CDKL2: variants seen among roughly 807,000 people sequenced by gnomAD.
CDKL2 encodes cyclin dependent kinase like 2.
Under a neutral mutation model 63.9 loss-of-function variants are expected in CDKL2, and 64 were observed. That is an observed-to-expected ratio of 1.00 (90% confidence interval 0.82 to 1.23). CDKL2 has a LOEUF of 1.23. Ranked by LOEUF, CDKL2 falls within the 50% of genes most tolerant of loss-of-function variation. The pLI, the probability that CDKL2 is intolerant of heterozygous loss-of-function variation, is 0.00. For synonymous variants in CDKL2, 211 were observed against 229.2 expected (o/e 0.92, Z 0.72); for missense variants, 656 against 668.0 (o/e 0.98, Z 0.20).
At chr4:75,627,067 G>A (rs537623001) in intron 1 of CDKL2, among the ~76,000 whole-genome samples, 2 of 151,424 alleles carry the variant, frequency 1.3e-5, no homozygotes, top group Non-Finnish European at 2.9e-5. Context: ...GCCAGGCATG[G>A]TGGTGCACCC....
chr4:75,592,520 A>G (rs60200969), intron 10 of CDKL2, among the ~76,000 whole-genome samples: 2 of 152,340 alleles, frequency 1.3e-5, no homozygotes, highest in South Asian at 4.1e-4. Flanking sequence ...TCCTTTGCCA[A>G]TTATCAGTGT....
At chr4:75,628,138 C>A (rs1730516709) in intron 1 of CDKL2, among the ~76,000 whole-genome samples, 2 of 142,100 alleles carry the variant, frequency 1.4e-5, no homozygotes, top group Non-Finnish European at 1.5e-5. Context: ...TTTTTTGAGA[C>A]GGAGTCTTGC....
At chr4:75,622,586 C>T (rs550530924) in intron 2 of CDKL2, among the ~76,000 whole-genome samples, 190 of 151,520 alleles carry the variant, frequency 1.3e-3, no homozygotes, top group Non-Finnish European at 2.2e-3. Context: ...GGTGTGGTGG[C>T]GGGCACCTGT....
At chr4:75,620,356 G>C (rs951058092) in intron 2 of CDKL2, among the ~76,000 whole-genome samples, 2 of 152,084 alleles carry the variant, frequency 1.3e-5, no homozygotes, top group Non-Finnish European at 2.9e-5. Flanking sequence ...GTAATTATCA[G>C]ATATGGACTA....
intron 12 of CDKL2, among the ~76,000 whole-genome samples, chr4:75,591,435 A>G (rs1728710277): frequency 6.6e-6 from 1 of 152,136 alleles, no homozygotes; most frequent in African/African-American, 2.4e-5. Flanking sequence ...CATCTCTACA[A>G]AAAATTTAAA....
At chr4:75,597,450 C>T (rs1386631716) in intron 8 of CDKL2, among the ~76,000 whole-genome samples, 1 of 152,094 alleles carries the variant, frequency 6.6e-6, no homozygotes, top group Non-Finnish European at 1.5e-5. Flanking sequence ...ATGCAATTCA[C>T]ACAGCTCACT....
chr4:75,587,457 A>G (rs1728524043), intron 12 of CDKL2, among the ~76,000 whole-genome samples: 2 of 152,314 alleles, frequency 1.3e-5, no homozygotes, highest in South Asian at 4.1e-4. Flanking sequence ...CCGTCTCAAA[A>G]GCAAAAACAA....
chr4:75,601,071 A>T (rs182632150), intron 6 of CDKL2, among the ~76,000 whole-genome samples: 2 of 152,242 alleles, frequency 1.3e-5, no homozygotes, highest in African/African-American at 4.8e-5. Context: ...CAAAAAAGAA[A>T]GAGATGAAGA....
intron 1 of CDKL2, among the ~76,000 whole-genome samples, chr4:75,626,599 G>A (rs955555232): frequency 6.7e-5 from 10 of 149,894 alleles, no homozygotes; most frequent in Non-Finnish European, 1.2e-4. Context: ...CCCGGGAGGC[G>A]GAGCTTGCAG....
intron 6 of CDKL2, among the ~76,000 whole-genome samples, chr4:75,602,850 A>C (rs1729256114): frequency 6.6e-6 from 1 of 151,612 alleles, no homozygotes; most frequent in Non-Finnish European, 1.5e-5. Context: ...TCCTACTTTT[A>C]TTTTCTTTTC....
intron 1 of CDKL2, among the ~76,000 whole-genome samples, chr4:75,628,339 T>A (rs1419096986): frequency 6.6e-6 from 1 of 152,138 alleles, no homozygotes; most frequent in Non-Finnish European, 1.5e-5. Flanking sequence ...ATTGTATCGA[T>A]CTCCTGACCT....
intron 2 of CDKL2, among the ~76,000 whole-genome samples, chr4:75,615,963 G>A (rs555113080): frequency 1.3e-5 from 2 of 152,270 alleles, no homozygotes; most frequent in South Asian, 4.1e-4. Flanking sequence ...TCATGCCACT[G>A]CACTTCAGCT....
rs1271851492 is a variant in CDKL2 at position 75,598,105 on chromosome 4, A to G, written c.992T>C (p.Val331Ala). The G allele has an allele frequency of 3.9e-6, 6 of 1,546,702 alleles. No individual in the cohort carries two copies. The highest frequency in any genetic ancestry group is 3.7e-5 in the Admixed American group (2 of 53,686). Residue 331 changes from valine (V) to alanine (A), a missense_variant, in exon 8 of 14, where the codon GTT becomes GCT. Physicochemically the swap from Val to Ala is moderately conservative, Grantham distance 64 (BLOSUM62 0). Transcript: ENST00000307465. Reference sequence around the variant, plus strand: ...TACCACAAGTGTTTTTCTTTCTTCAACTAAGGAATCATCTTTTTCTTTTTC... The same window carrying G: ...TACCACAAGTGTTTTTCTTTCTTCAGCTAAGGAATCATCTTTTTCTTTTTC... ...KKEKEKDDSL[V>A]EERKTLVVQD...
rs1265514307 is a variant in CDKL2 at position 75,578,045 on chromosome 4, C to T, written c.*1157G>A. 1 of 150,624 alleles carries T rather than the reference C, an allele frequency of 6.6e-6. No homozygotes were observed. The highest frequency in any genetic ancestry group is 1.5e-5 in the Non-Finnish European group (1 of 67,742). 9.3% of individuals were successfully genotyped at this position (150,624 alleles called of 1,614,324 possible). On this transcript the variant is annotated 3_prime_UTR_variant, in exon 14 of 14. Transcript: ENST00000307465. ...TTCTGGTTCCCTAAACAACCATTCT[C>T]TAAAATGATAAATGCAGAGCATGTG...
chr4:75,628,180 A>G (rs1393477834), intron 1 of CDKL2, among the ~76,000 whole-genome samples: 1 of 148,424 alleles, frequency 6.7e-6, no homozygotes, highest in African/African-American at 2.5e-5. Flanking sequence ...CAGTGGCGCG[A>G]TCTTGGCTCA....
intron 2 of CDKL2, among the ~76,000 whole-genome samples, chr4:75,624,489 T>C (rs184688616): frequency 1.3e-5 from 2 of 151,920 alleles, no homozygotes; most frequent in East Asian, 3.9e-4. Context: ...AGTTCAAGGC[T>C]GCAGTGAGCC....
At chr4:75,619,577 TAA>T (rs71203836) in intron 2 of CDKL2, among the ~76,000 whole-genome samples, 11,863 of 76,752 alleles carry the variant, frequency 0.15, 198 homozygotes, top group South Asian at 0.36. Flanking sequence ...CACAGCTGTA[TAA>T]AAAAAAAAAA....
Position 75,614,381 on chromosome 4 carries a change from G to A in CDKL2, c.237C>T (p.Val79=). ...VCKKKKRWYL[V]FEFVDHTILD... is the part of the protein sequence containing the mutation. ...GAATTGTGTGGTCAACAAATTCAAA[G>A]ACTAGGTACCATCGTTTTTTTTTCT... Residue 79 remains valine, a synonymous_variant, in exon 3 of 14, where the codon GTC becomes GTT. Transcript: ENST00000307465. 7 of 1,607,768 alleles carry A rather than the reference G, an allele frequency of 4.4e-6. No homozygotes were observed. The highest frequency in any genetic ancestry group is 5.1e-6 in the Non-Finnish European group (6 of 1,176,000).
chr4:75,594,630 G>A (rs1728840821), intron 10 of CDKL2, among the ~76,000 whole-genome samples: 1 of 151,852 alleles, frequency 6.6e-6, no homozygotes, highest in Non-Finnish European at 1.5e-5. Context: ...GCAAGGAGAA[G>A]GCATCGAACA....
Sources: allele counts gnomAD v4.1 joint callset (sites outside exome capture counted in the v4.1 genomes callset), GRCh38; gene constraint gnomAD v4.1.1; transcripts MANE v1.5; gene names NCBI Gene and HGNC (gene_info 2026-07-23, HGNC 2026-07-21).